CFAP70: variants seen among roughly 807,000 people sequenced by gnomAD.
CFAP70 encodes the protein cilia and flagella associated protein 70.
In CFAP70, 81 loss-of-function variants were observed where a neutral mutation model predicts 137.6. The observed-to-expected ratio is 0.59, with a 90% CI of 0.49 to 0.71. The LOEUF (loss-of-function observed/expected upper bound fraction) is 0.71, where lower values mean the gene tolerates loss of function less well. CFAP70 is among the 30% of genes least tolerant of loss of function. The pLI, the probability that CFAP70 is intolerant of heterozygous loss-of-function variation, is 0.00. For missense variants in CFAP70, 976 were observed against 1,226.7 expected, an observed-to-expected ratio of 0.80 and a Z score of 3.05; for synonymous variants, 382 against 423.6, an observed-to-expected ratio of 0.90 and a Z score of 1.20.
chr10:73,320,666 T>C (rs2050769640), intron 9 of CFAP70, among the ~76,000 whole-genome samples: 1 of 149,794 alleles, frequency 6.7e-6, no homozygotes, highest in Non-Finnish European at 1.5e-5. Context: ...CATTAATAAT[T>C]ATCCTTTTTT....
At chr10:73,296,891 G>T in intron 15 of CFAP70, 151 bp downstream of exon 16, 2 of 791,218 alleles carry the variant, frequency 2.5e-6, no homozygotes, top group Non-Finnish European at 1.9e-6. Flanking sequence ...TTAGGCTTAG[G>T]CAGTTTCTTA....
chr10:73,289,266 ATAAT>A (rs777327329), intron 19 of CFAP70, among the ~76,000 whole-genome samples: 24 of 151,960 alleles, frequency 1.6e-4, no homozygotes, highest in Non-Finnish European at 5.9e-5. Context: ...GCATAAATCA[ATAAT>A]TAATTAATTT....
At chr10:73,299,177 G>A in intron 13 of CFAP70, 76 bp from the exon 15 acceptor site, 1 of 1,082,560 alleles carries the variant, frequency 9.2e-7, no homozygotes, top group Non-Finnish European at 1.3e-6. Flanking sequence ...AACTGGATTT[G>A]GTTTTATGTT....
chr10:73,338,972 T>C (rs1589548714), intron 6 of CFAP70, among the ~76,000 whole-genome samples: 2 of 150,886 alleles, frequency 1.3e-5, no homozygotes, highest in African/African-American at 4.9e-5. Flanking sequence ...CAGGCTGGAG[T>C]GCAGTGACAC....
intron 9 of CFAP70, among the ~76,000 whole-genome samples, chr10:73,322,481 G>A (rs1422588110): frequency 6.6e-6 from 1 of 151,608 alleles, no homozygotes; most frequent in Non-Finnish European, 1.5e-5. Context: ...AAAGGCTGAG[G>A]CAGGAGGATC....
At chr10:73,260,442 T>A (rs2045043687) in intron 25 of CFAP70, among the ~76,000 whole-genome samples, 1 of 152,182 alleles carries the variant, frequency 6.6e-6, no homozygotes, top group African/African-American at 2.4e-5. Context: ...CCCATCACCA[T>A]TTAGTGAAGA....
chr10:73,336,650 C>T (rs2052700186), intron 6 of CFAP70, among the ~76,000 whole-genome samples: 2 of 141,168 alleles, frequency 1.4e-5, no homozygotes, highest in Middle Eastern at 3.8e-3. Flanking sequence ...GTGGCGCGAT[C>T]TCGGCTCACT....
intron 3 of CFAP70, among the ~76,000 whole-genome samples, chr10:73,352,037 C>T (rs2054318370): frequency 6.6e-6 from 1 of 152,214 alleles, no homozygotes; most frequent in African/African-American, 2.4e-5. Flanking sequence ...TCCACTGATA[C>T]CACAGTGGGT....
Position 73,312,658 on chromosome 10 carries a change from A to C in CFAP70, c.913-15T>G. The C allele has an allele frequency of 1.3e-6, 2 of 1,527,406 alleles. No individual in the cohort carries two copies. Among genetic ancestry groups the C allele is most frequent in the Admixed American group, 2.3e-5 (1 of 43,772 alleles). The allele number at this position is 1,527,406 out of a possible 1,614,324, so 94.6% of individuals were successfully genotyped here. A position where few individuals can be genotyped will look rare whatever the true frequency, so the allele number is the denominator to read the frequency against. ...AAACATTTGGTCTGAAAAACAAAAAAACAAACAAAAAAAAGCAATACATGA... is the reference window on the plus strand; with the variant it reads ...AAACATTTGGTCTGAAAAACAAAAACACAAACAAAAAAAAGCAATACATGA... On this transcript the variant is annotated splice_polypyrimidine_tract_variant and intron_variant, in intron 9 of 26. Coordinates refer to ENST00000310715, the Ensembl canonical transcript of CFAP70.
At chr10:73,254,188 T>C (rs2044238759) in intron 26 of CFAP70, 133 bp from the exon 28 acceptor site, 4 of 561,960 alleles carry the variant, frequency 7.1e-6, no homozygotes, top group Non-Finnish European at 1.2e-5. Flanking sequence ...TCTTCCTATT[T>C]CCCTACTTCA....
chr10:73,351,069 G>GTATATATATATATATA (rs1367174993), intron 3 of CFAP70, among the ~76,000 whole-genome samples: 4 of 50,558 alleles, frequency 7.9e-5, no homozygotes, highest in Non-Finnish European at 1.1e-4. Flanking sequence ...GTGTGTGTGT[G>GTATATATATATATATA]TGTATATATA....
chr10:73,291,586 G>C, intron 18 of CFAP70, 54 bp downstream of exon 19: 1 of 1,544,584 alleles, frequency 6.5e-7, no homozygotes, highest in Non-Finnish European at 8.8e-7. Flanking sequence ...AAAGGAAAAA[G>C]GGAAAATCTT....
At chr10:73,349,107 G>C (rs918777286) in intron 3 of CFAP70, among the ~76,000 whole-genome samples, 2 of 150,558 alleles carry the variant, frequency 1.3e-5, no homozygotes, top group African/African-American at 4.9e-5. Flanking sequence ...ATATAACAAA[G>C]CTTCATATAA....
chr10:73,333,830 A>G (rs1020348526), intron 7 of CFAP70, among the ~76,000 whole-genome samples: 8 of 152,086 alleles, frequency 5.3e-5, no homozygotes, highest in Non-Finnish European at 1.2e-4. Context: ...AGGAAATATC[A>G]TAAATGAAGG....
intron 4 of CFAP70, 115 bp downstream of exon 5, chr10:73,348,041 G>A: frequency 2.3e-6 from 2 of 860,360 alleles, no homozygotes; most frequent in Non-Finnish European, 3.8e-6. Context: ...CACTAAGTGT[G>A]CTGTGAAAAG....
intron 3 of CFAP70, 109 bp from the exon 4 acceptor site, chr10:73,348,630 AC>A: frequency 1.4e-6 from 1 of 722,810 alleles, no homozygotes; most frequent in Non-Finnish European, 2.2e-6. Flanking sequence ...AAAAAAATAA[AC>A]TTGAAAGTAC....
At chr10:73,261,978 AT>A (rs1341903644) in intron 25 of CFAP70, among the ~76,000 whole-genome samples, 2 of 134,532 alleles carry the variant, frequency 1.5e-5, no homozygotes, top group Non-Finnish European at 3.5e-5. Flanking sequence ...TATTATATAT[AT>A]GTATACATAT....
chr10:73,332,924 C>T (rs1446368986), intron 7 of CFAP70, among the ~76,000 whole-genome samples: 2 of 152,074 alleles, frequency 1.3e-5, no homozygotes, highest in African/African-American at 4.8e-5. Context: ...ATAGACAAAG[C>T]TACTATAAGA....
At chr10:73,273,631 T>C (rs1169181714) in intron 23 of CFAP70, among the ~76,000 whole-genome samples, 1 of 152,204 alleles carries the variant, frequency 6.6e-6, no homozygotes, top group African/African-American at 2.4e-5. Context: ...GATGCAGCTT[T>C]CAATGACATC....
Sources: allele counts gnomAD v4.1 joint callset (sites outside exome capture counted in the v4.1 genomes callset), GRCh38; gene constraint gnomAD v4.1.1; transcripts MANE v1.5; gene names NCBI Gene and HGNC (gene_info 2026-07-23, HGNC 2026-07-21).